The following NRXN3 variants were observed in gnomAD, a reference collection of about 807,000 sequenced individuals.
The protein encoded by NRXN3 is neurexin III.
NRXN3 carries 32 observed loss-of-function variants against 137.6 expected under a neutral mutation model. That is an observed-to-expected ratio of 0.23 (90% CI 0.18 to 0.31). NRXN3 has a LOEUF of 0.31. Among genes scored for constraint, NRXN3 ranks in the 10% least tolerant of loss-of-function variants. The probability of loss-of-function intolerance (pLI) is 1.00; values close to 1 mark genes in which losing one functional copy is unlikely to be tolerated. For synonymous variants in NRXN3, 798 were observed against 784.5 expected, an observed-to-expected ratio of 1.02 and a Z score of -0.29; for missense variants, 1,574 against 2,062.5, an observed-to-expected ratio of 0.76 and a Z score of 4.59.
At chr14:78,645,576 G>T (rs982548739) in intron 5 of NRXN3, 155 bp downstream of exon 5, 21 of 530,616 alleles carry the variant, frequency 4.0e-5, no homozygotes, top group Non-Finnish European at 6.6e-5. Flanking sequence ...GCAATTTCAC[G>T]TGGAAAATTA....
intron 16 of NRXN3, among the ~76,000 whole-genome samples, chr14:79,656,709 C>T (rs765859956): frequency 3.3e-5 from 5 of 151,354 alleles, no homozygotes; most frequent in Non-Finnish European, 7.4e-5. Flanking sequence ...GCATTTCAGA[C>T]TGTGGATCTA....
At chr14:79,038,878 C>T (rs1200703382) in intron 15 of NRXN3, among the ~76,000 whole-genome samples, 1 of 152,118 alleles carries the variant, frequency 6.6e-6, no homozygotes, top group African/African-American at 2.4e-5. Context: ...AATTTTCCAT[C>T]TTTATTTGCC....
chr14:79,468,910 T>C (rs1233889711), intron 16 of NRXN3, among the ~76,000 whole-genome samples: 1 of 152,198 alleles, frequency 6.6e-6, no homozygotes, highest in Admixed American at 6.5e-5. Flanking sequence ...AGGAACCATA[T>C]GGTGCTATGA....
intron 4 of NRXN3, among the ~76,000 whole-genome samples, chr14:78,522,571 C>T (rs1269741862): frequency 6.6e-6 from 1 of 152,106 alleles, no homozygotes; most frequent in African/African-American, 2.4e-5. Context: ...TTCCTTTGCA[C>T]CATATAATCT....
At chr14:78,760,807 T>G (rs1271114892) in intron 8 of NRXN3, among the ~76,000 whole-genome samples, 2 of 152,140 alleles carry the variant, frequency 1.3e-5, no homozygotes, top group Non-Finnish European at 2.9e-5. Flanking sequence ...CCCTTTGCGT[T>G]AATAAATGAT....
At chr14:78,937,940 G>A (rs1170986924) in intron 10 of NRXN3, among the ~76,000 whole-genome samples, 3 of 152,196 alleles carry the variant, frequency 2.0e-5, no homozygotes, top group Admixed American at 6.5e-5. Flanking sequence ...TTGCTTAAAG[G>A]AATGTGTGTT....
intron 4 of NRXN3, among the ~76,000 whole-genome samples, chr14:78,606,739 G>A (rs932167605): frequency 5.9e-5 from 9 of 152,164 alleles, no homozygotes; most frequent in African/African-American, 2.2e-4. Context: ...AACTCAGGGG[G>A]CATGTTTGGT....
intron 19 of NRXN3, among the ~76,000 whole-genome samples, chr14:79,710,178 G>GTTCT (rs2098797961): frequency 6.6e-6 from 1 of 151,814 alleles, no homozygotes; most frequent in Non-Finnish European, 1.5e-5. Context: ...TTTTGCATGT[G>GTTCT]TTCTTTTGTC....
intron 19 of NRXN3, among the ~76,000 whole-genome samples, chr14:79,735,041 G>A (rs982650598): frequency 6.6e-6 from 1 of 152,112 alleles, no homozygotes; most frequent in South Asian, 2.1e-4. Flanking sequence ...TACTTGGTAG[G>A]GGGGAATGTA....
At chr14:78,469,747 T>A (rs988238549) in intron 4 of NRXN3, among the ~76,000 whole-genome samples, 1 of 152,344 alleles carries the variant, frequency 6.6e-6, no homozygotes, top group East Asian at 1.9e-4. Flanking sequence ...AAACCCCTGT[T>A]GTCCCATTCA....
rs530289181 is a variant in NRXN3, at chr14:78,648,525, A to T, written c.1060-2640A>T. ...TTATTGAGTAATAAAGAAGATTCTA[A>T]TTTTTTTTGATACATTCTATTAATT... On this transcript the variant is annotated intron_variant, in intron 5 of 20. Transcript: ENST00000335750. Among the ~76,000 whole-genome samples the T allele has an allele frequency of 5.9e-5, 9 of 152,180 alleles. No individual in the cohort carries two copies. In the East Asian group the frequency reaches 1.4e-3, roughly 23 times the overall value.
intron 4 of NRXN3, among the ~76,000 whole-genome samples, chr14:78,560,215 G>A (rs1249707948): frequency 6.6e-6 from 1 of 152,110 alleles, no homozygotes; most frequent in Non-Finnish European, 1.5e-5. Context: ...GCTTGCATTA[G>A]GATAGATGAA....
chr14:79,729,099 A>G (rs1262216799), intron 19 of NRXN3, among the ~76,000 whole-genome samples: 1 of 152,198 alleles, frequency 6.6e-6, no homozygotes, highest in African/African-American at 2.4e-5. Flanking sequence ...ATTATTATCT[A>G]AAGAGTTTTA....
chr14:79,434,087 C>T (rs918716807), intron 15 of NRXN3, among the ~76,000 whole-genome samples: 4 of 152,180 alleles, frequency 2.6e-5, no homozygotes, highest in African/African-American at 7.2e-5. Context: ...ACACTGTGGG[C>T]TCACCTGTAG....
chr14:78,918,295 A>AG, intron 10 of NRXN3, among the ~76,000 whole-genome samples: 1 of 150,738 alleles, frequency 6.6e-6, no homozygotes, highest in East Asian at 1.9e-4. Context: ...CAAAAAAAAA[A>AG]AAAAAAAAAA....
intron 19 of NRXN3, among the ~76,000 whole-genome samples, chr14:79,748,062 G>A (rs1487837668): frequency 6.6e-6 from 1 of 152,000 alleles, no homozygotes; most frequent in Non-Finnish European, 1.5e-5. Flanking sequence ...GGGAGGGAGA[G>A]CATCAGGATA....
At chr14:78,665,225 A>C (rs1602109356) in intron 6 of NRXN3, among the ~76,000 whole-genome samples, 1 of 152,348 alleles carries the variant, frequency 6.6e-6, no homozygotes, top group African/African-American at 2.4e-5. Flanking sequence ...CTGCTAATAA[A>C]GATATACCTG....
intron 16 of NRXN3, among the ~76,000 whole-genome samples, chr14:79,562,373 A>G (rs1315675035): frequency 6.6e-6 from 1 of 152,138 alleles, no homozygotes; most frequent in Non-Finnish European, 1.5e-5. Context: ...TACTGCTTCC[A>G]GCCTGTCATG....
intron 4 of NRXN3, among the ~76,000 whole-genome samples, chr14:78,594,093 A>T (rs1263567096): frequency 6.6e-6 from 1 of 152,172 alleles, no homozygotes; most frequent in Non-Finnish European, 1.5e-5. Flanking sequence ...GGCCAGAGAG[A>T]GTGACATGAG....
Sources: gnomAD v4.1 joint callset for allele counts (sites outside exome capture counted in the v4.1 genomes callset) on GRCh38, gnomAD v4.1.1 for gene constraint, MANE v1.5 for transcripts, NCBI Gene and HGNC (gene_info 2026-07-23, HGNC 2026-07-21) for gene names.